Variants in CNTN4 observed in about 807,000 individuals in gnomAD.
CNTN4 encodes the protein contactin 4.
A neutral mutation model predicts 122.5 loss-of-function variants in CNTN4; 77 were observed. That is an observed-to-expected ratio of 0.63 (90% CI 0.52 to 0.76). CNTN4 has a LOEUF of 0.76. Ranked by LOEUF, CNTN4 falls within the 30% of genes least tolerant of loss-of-function variation. The pLI is 0.00. For missense variants in CNTN4, 1,256 were observed against 1,259.1 expected (o/e 1.00, Z 0.04); for synonymous variants, 512 against 447.0 (o/e 1.15, Z -1.83).
intron 13 of CNTN4, among the ~76,000 whole-genome samples, chr3:2,930,105 C>T (rs1358662710): frequency 3.3e-5 from 5 of 152,218 alleles, no homozygotes; most frequent in African/African-American, 1.2e-4. Flanking sequence ...TTCTCCACCA[C>T]CCCTCCCTTC....
chr3:2,297,247 G>A (rs761316454), intron 2 of CNTN4, among the ~76,000 whole-genome samples: 3 of 152,144 alleles, frequency 2.0e-5, no homozygotes, highest in Non-Finnish European at 2.9e-5. Context: ...AGAAAGCTTC[G>A]TAATTTACAT....
At chr3:2,620,089 A>G (rs1263811237) in intron 4 of CNTN4, among the ~76,000 whole-genome samples, 3 of 152,194 alleles carry the variant, frequency 2.0e-5, no homozygotes, top group Admixed American at 6.5e-5. Flanking sequence ...TCATTTGATT[A>G]TATTAAGATT....
At chr3:2,866,392 C>T (rs556211986) in intron 7 of CNTN4, 2 of 981,544 alleles carry the variant, frequency 2.0e-6, no homozygotes, top group African/African-American at 1.7e-5. Flanking sequence ...ATTACTATAT[C>T]AAGATTATAG....
At chr3:2,525,421 A>AT (rs2077366916) in intron 3 of CNTN4, among the ~76,000 whole-genome samples, 1 of 152,146 alleles carries the variant, frequency 6.6e-6, no homozygotes, top group Non-Finnish European at 1.5e-5. Context: ...ATTGTCGGTA[A>AT]ATTTCAGTCA....
At chr3:2,834,085 G>A (rs1399044069) in intron 7 of CNTN4, among the ~76,000 whole-genome samples, 1 of 152,092 alleles carries the variant, frequency 6.6e-6, no homozygotes, top group African/African-American at 2.4e-5. Context: ...GGCAGAGGTT[G>A]CAGTAAGCCG....
chr3:2,125,515 C>T (rs1295412352), intron 2 of CNTN4, among the ~76,000 whole-genome samples: 3 of 151,574 alleles, frequency 2.0e-5, no homozygotes, highest in African/African-American at 7.3e-5. Flanking sequence ...ACTTCAATTC[C>T]TTTGGGCACA....
intron 15 of CNTN4, among the ~76,000 whole-genome samples, chr3:3,029,951 T>A (rs1361500424): frequency 1.3e-5 from 2 of 152,308 alleles, no homozygotes; most frequent in African/African-American, 4.8e-5. Flanking sequence ...TTGTATAGTT[T>A]GGAATGGGAA....
intron 12 of CNTN4, among the ~76,000 whole-genome samples, chr3:2,924,468 A>C (rs2094455288): frequency 6.6e-6 from 1 of 152,238 alleles, no homozygotes; most frequent in Non-Finnish European, 1.5e-5. Context: ...TAAAATTAAG[A>C]TTCCAAGAAA....
At chr3:2,315,050 C>A (rs2043047031) in intron 2 of CNTN4, among the ~76,000 whole-genome samples, 1 of 151,746 alleles carries the variant, frequency 6.6e-6, no homozygotes. Context: ...ATAATAAAAT[C>A]CACTGAAATG....
intron 3 of CNTN4, among the ~76,000 whole-genome samples, chr3:2,384,688 A>G (rs1477805989): frequency 6.6e-6 from 1 of 152,022 alleles, no homozygotes; most frequent in Non-Finnish European, 1.5e-5. Flanking sequence ...CCATGCTCTT[A>G]GCCCAGCTAT....
At chr3:2,480,850 C>G (rs1191068277) in intron 3 of CNTN4, among the ~76,000 whole-genome samples, 1 of 152,142 alleles carries the variant, frequency 6.6e-6, no homozygotes, top group Non-Finnish European at 1.5e-5. Context: ...TCAAGAAATG[C>G]TGTATAGCTA....
intron 13 of CNTN4, among the ~76,000 whole-genome samples, chr3:2,966,170 CTAGTA>C (rs1159196002): frequency 6.6e-6 from 1 of 152,066 alleles, no homozygotes; most frequent in Non-Finnish European, 1.5e-5. Flanking sequence ...ATTAAACCAG[CTAGTA>C]TCAAATTTTA....
chr3:2,214,515 G>T (rs1178121366), intron 2 of CNTN4, among the ~76,000 whole-genome samples: 2 of 152,114 alleles, frequency 1.3e-5, no homozygotes, highest in Admixed American at 6.6e-5. Context: ...AAAAATTAGT[G>T]ATGGTAGCAA....
chr3:2,716,965 A>G (rs1211913223), intron 4 of CNTN4, among the ~76,000 whole-genome samples: 2 of 152,212 alleles, frequency 1.3e-5, no homozygotes, highest in Non-Finnish European at 2.9e-5. Context: ...TTCATGGATG[A>G]ATAATATTCC....
At chr3:2,269,239 G>A (rs913294717) in intron 2 of CNTN4, among the ~76,000 whole-genome samples, 3 of 152,244 alleles carry the variant, frequency 2.0e-5, no homozygotes, top group Admixed American at 6.5e-5. Context: ...GTTTGGTGGT[G>A]ATTGCACAAA....
chr3:2,786,126 G>A (rs543192811), intron 6 of CNTN4, among the ~76,000 whole-genome samples: 64 of 151,916 alleles, frequency 4.2e-4, no homozygotes, highest in Non-Finnish European at 8.4e-4. Context: ...TCCAGCCCCC[G>A]CTTCCTGCTG....
At chr3:2,692,941 T>C (rs1427814562) in intron 4 of CNTN4, among the ~76,000 whole-genome samples, 1 of 152,176 alleles carries the variant, frequency 6.6e-6, no homozygotes, top group Admixed American at 6.6e-5. Context: ...TTTTTTCTAT[T>C]ATTTTCTTAG....
chr3:2,690,733 TA>T (rs995006283), intron 4 of CNTN4, among the ~76,000 whole-genome samples: 1 of 152,088 alleles, frequency 6.6e-6, no homozygotes, highest in Non-Finnish European at 1.5e-5. Flanking sequence ...ACTTCAGCTG[TA>T]AAAAATCAAA....
chr3:2,971,290 G>A (rs9815551), intron 13 of CNTN4, among the ~76,000 whole-genome samples: 1,926 of 152,034 alleles, frequency 0.013, 47 homozygotes, highest in African/African-American at 0.045. Flanking sequence ...TTTCAATCCC[G>A]TGTTGTTCAA....
Sources: gnomAD v4.1 joint callset for allele counts (sites outside exome capture counted in the v4.1 genomes callset) on GRCh38, gnomAD v4.1.1 for gene constraint, MANE v1.5 for transcripts, NCBI Gene and HGNC (gene_info 2026-07-23, HGNC 2026-07-21) for gene names.